Variants in EPHA7 observed in about 807,000 individuals in gnomAD.
EPHA7 encodes the protein ephrin type-A receptor 7.
A neutral mutation model predicts 112.6 loss-of-function variants in EPHA7; 25 were observed. The observed-to-expected ratio is 0.22, with a 90% CI of 0.16 to 0.31. The LOEUF is 0.31. Among genes scored for constraint, EPHA7 ranks in the 10% least tolerant of loss-of-function variants. The pLI is 1.00. For synonymous variants in EPHA7, 437 were observed against 406.5 expected, an observed-to-expected ratio of 1.07 and a Z score of -0.90; for missense variants, 962 against 1,212.6, an observed-to-expected ratio of 0.79 and a Z score of 3.07.
intron 5 of EPHA7, among the ~76,000 whole-genome samples, chr6:93,286,440 G>A (rs1021532318): frequency 6.6e-6 from 1 of 152,100 alleles, no homozygotes; most frequent in Non-Finnish European, 1.5e-5. Flanking sequence ...AATGTAATCT[G>A]GCTGTACTGC....
chr6:93,392,904 C>G (rs1050558678), intron 3 of EPHA7, among the ~76,000 whole-genome samples: 2 of 151,716 alleles, frequency 1.3e-5, no homozygotes, highest in Non-Finnish European at 2.9e-5. Flanking sequence ...TTCAATATTT[C>G]TTTGAAAATG....
At chr6:93,348,642 C>A (rs1775529406) in intron 5 of EPHA7, among the ~76,000 whole-genome samples, 1 of 151,630 alleles carries the variant, frequency 6.6e-6, no homozygotes, top group Non-Finnish European at 1.5e-5. Flanking sequence ...AGTTTTAGGA[C>A]CAAATTGCAA....
At chr6:93,348,442 T>C (rs745332406) in intron 5 of EPHA7, among the ~76,000 whole-genome samples, 2 of 151,862 alleles carry the variant, frequency 1.3e-5, no homozygotes, top group Non-Finnish European at 2.9e-5. Context: ...ACATATTCAA[T>C]GTTATATAAA....
chr6:93,393,278 G>A (rs1245734961), intron 3 of EPHA7, among the ~76,000 whole-genome samples: 1 of 151,838 alleles, frequency 6.6e-6, no homozygotes, highest in African/African-American at 2.4e-5. Context: ...TAGAATCCTA[G>A]TGACTTTAGG....
Position 93,339,509 on chromosome 6 carries a change from C to T in EPHA7, c.1324+17208G>A, listed in dbSNP as rs534924543. ...TTATAAAACATTTTTTCATATATTG[C>T]TTCATGTAATACTGAGATTAACTAA... On this transcript the variant is annotated intron_variant, in intron 5 of 16. Transcript: ENST00000369303. 1.7e-3 allele frequency among the ~76,000 whole-genome samples: 253 copies of T among 151,780 alleles called. 2 individuals are homozygous for T. Among genetic ancestry groups the T allele is most frequent in the African/African-American group, 6.0e-3 (249 of 41,508 alleles).
At chr6:93,278,673 A>G (rs1582435434) in intron 5 of EPHA7, among the ~76,000 whole-genome samples, 2 of 152,028 alleles carry the variant, frequency 1.3e-5, no homozygotes, top group East Asian at 3.9e-4. Flanking sequence ...CTTCCCTTCT[A>G]AAACCCTATG....
chr6:93,310,440 G>A lies in EPHA7; in HGVS notation c.1325-38018C>T, dbSNP rs1001969885. 8.5e-5 allele frequency among the ~76,000 whole-genome samples: 13 copies of A among 152,120 alleles called. No homozygotes were observed. In the East Asian group the frequency reaches 1.3e-3, roughly 16 times the overall value. On this transcript the variant is annotated intron_variant, in intron 5 of 16. Coordinates refer to ENST00000369303, the MANE Select transcript of EPHA7 (RefSeq NM_004440.4). ...CTAGCACTTTGGGAGTCCAAGTTGC[G>A]TGGATGATGAGGTCTGGAGTTCAAG... is the stretch of plus-strand genomic sequence containing the variant.
intron 3 of EPHA7, among the ~76,000 whole-genome samples, chr6:93,402,159 T>C (rs76968063): frequency 3.9e-4 from 60 of 152,140 alleles, no homozygotes; most frequent in African/African-American, 1.4e-3. Flanking sequence ...ACACATTAGT[T>C]TCCTATTTCC....
At chr6:93,332,020 T>C (rs1429675255) in intron 5 of EPHA7, among the ~76,000 whole-genome samples, 1 of 151,626 alleles carries the variant, frequency 6.6e-6, no homozygotes, top group Non-Finnish European at 1.5e-5. Flanking sequence ...ACACCTGACA[T>C]TGTTAGGTGC....
At chr6:93,330,835 A>T (rs1774555427) in intron 5 of EPHA7, among the ~76,000 whole-genome samples, 1 of 151,416 alleles carries the variant, frequency 6.6e-6, no homozygotes, top group Non-Finnish European at 1.5e-5. Flanking sequence ...CCAAGGGCAA[A>T]ATATTTACTT....
chr6:93,378,841 T>C (rs1777189263), intron 3 of EPHA7, among the ~76,000 whole-genome samples: 2 of 152,162 alleles, frequency 1.3e-5, no homozygotes, highest in Non-Finnish European at 2.9e-5. Context: ...CTTCAGGATT[T>C]AGAATTCTAG....
intron 3 of EPHA7, among the ~76,000 whole-genome samples, chr6:93,386,115 A>C (rs1211456069): frequency 1.3e-5 from 2 of 152,114 alleles, no homozygotes; most frequent in Non-Finnish European, 2.9e-5. Flanking sequence ...CCCAAATTTC[A>C]TCCTTCTCAA....
chr6:93,382,013 A>AT (rs1439427224), intron 3 of EPHA7, among the ~76,000 whole-genome samples: 1 of 152,240 alleles, frequency 6.6e-6, no homozygotes, highest in African/African-American at 2.4e-5. Context: ...TAAGAATTAC[A>AT]TAAAAAGAAT....
At chr6:93,311,680 G>A (rs1037674938) in intron 5 of EPHA7, among the ~76,000 whole-genome samples, 7 of 152,072 alleles carry the variant, frequency 4.6e-5, no homozygotes, top group African/African-American at 7.2e-5. Flanking sequence ...CATGAATCAT[G>A]AACGTCCTTA....
Position 93,257,631 on chromosome 6 carries a change from G to A in EPHA7, c.2111-108C>T, listed in dbSNP as rs1562048315. On this transcript the variant is annotated intron_variant, in intron 11 of 16. Transcript: ENST00000369303. ...GGTGTTCTTTTGAAAGAGTGAGTGT[G>A]AGAAGTATGAGCATTTCTTTTATTG... is the stretch of plus-strand genomic sequence containing the variant. 6 of 687,430 alleles carry A rather than the reference G, an allele frequency of 8.7e-6. No individual in the cohort carries two copies. In the East Asian group the frequency reaches 1.4e-4, roughly 16 times the overall value. 42.6% of individuals were successfully genotyped at this position (687,430 alleles called of 1,614,324 possible). A position where few individuals can be genotyped will look rare whatever the true frequency, so the allele number is the denominator to read the frequency against.
intron 5 of EPHA7, among the ~76,000 whole-genome samples, chr6:93,317,009 A>T (rs1263452725): frequency 2.0e-5 from 3 of 152,182 alleles, no homozygotes; most frequent in Non-Finnish European, 2.9e-5. Flanking sequence ...TGCTGCGCTT[A>T]TGAGGGTCAT....
intron 5 of EPHA7, among the ~76,000 whole-genome samples, chr6:93,314,394 G>A (rs993693892): frequency 2.5e-4 from 38 of 152,080 alleles, no homozygotes; most frequent in African/African-American, 8.9e-4. Flanking sequence ...TCTCAGGCTT[G>A]GATGAGTATT....
chr6:93,313,404 C>G (rs749397966), intron 5 of EPHA7, among the ~76,000 whole-genome samples: 6 of 150,530 alleles, frequency 4.0e-5, no homozygotes, highest in Non-Finnish European at 8.8e-5. Flanking sequence ...ATTTTAATAG[C>G]TGGTGATTAT....
At chr6:93,356,272 A>C (rs1775940418) in intron 5 of EPHA7, among the ~76,000 whole-genome samples, 1 of 151,632 alleles carries the variant, frequency 6.6e-6, no homozygotes, top group Admixed American at 6.6e-5. Context: ...CAGTGGCACG[A>C]TCTCGGCTCA....
Sources: allele counts gnomAD v4.1 joint callset (sites outside exome capture counted in the v4.1 genomes callset), GRCh38; gene constraint gnomAD v4.1.1; transcripts MANE v1.5; gene names NCBI Gene and HGNC (gene_info 2026-07-23, HGNC 2026-07-21).